The following CAST variants were observed in gnomAD, a reference collection of about 807,000 sequenced individuals.
CAST encodes the protein MIR583 host.
In CAST, 76 loss-of-function variants were observed where a neutral mutation model predicts 119.6. That is an observed-to-expected ratio of 0.64 (90% CI 0.53 to 0.77). The LOEUF (loss-of-function observed/expected upper bound fraction) is 0.77. Ranked by LOEUF, CAST falls within the 30% of genes least tolerant of loss-of-function variation. The probability of loss-of-function intolerance (pLI) is 0.00; values close to 1 mark genes in which losing one functional copy is unlikely to be tolerated. For synonymous variants in CAST, 319 were observed against 331.6 expected (o/e 0.96, Z 0.41); for missense variants, 953 against 946.5 (o/e 1.01, Z -0.09).
At chr5:96,380,043 T>C in the CAST span, among the ~76,000 whole-genome samples, 2 of 152,174 alleles carry the variant, frequency 1.3e-5, no homozygotes, top group African/African-American at 2.4e-5. Context: ...TCCCTTAATA[T>C]TGAAAATTCG....
At chr5:96,292,186 A>T in the CAST span, among the ~76,000 whole-genome samples, 1 of 152,192 alleles carries the variant, frequency 6.6e-6, no homozygotes, top group African/African-American at 2.4e-5. Context: ...TCCTAAAATT[A>T]TATGTGAATA....
chr5:96,203,790 A>C, the CAST span, among the ~76,000 whole-genome samples: 1 of 152,104 alleles, frequency 6.6e-6, no homozygotes, highest in Non-Finnish European at 1.5e-5. Flanking sequence ...TATCAGATGA[A>C]CTTGGAAGCA....
At chr5:96,411,087 A>G in the CAST span, 1 of 876,398 alleles carries the variant, frequency 1.1e-6, no homozygotes, top group Non-Finnish European at 2.0e-6. Flanking sequence ...AAATTCTCAG[A>G]GACAGCTATT....
At chr5:96,697,692 C>T (rs570666871) in intron 3 of CAST, among the ~76,000 whole-genome samples, 5 of 152,324 alleles carry the variant, frequency 3.3e-5, no homozygotes, top group African/African-American at 1.2e-4. Context: ...GAGAGAGTTG[C>T]TTACACAAAC....
the CAST span, among the ~76,000 whole-genome samples, chr5:96,255,564 A>C: frequency 9.4e-6 from 1 of 106,838 alleles, no homozygotes; most frequent in African/African-American, 4.9e-5. Context: ...AGTCCAAATA[A>C]CTTTTTTTTT....
chr5:96,193,529 G>T, the CAST span, among the ~76,000 whole-genome samples: 1 of 152,152 alleles, frequency 6.6e-6, no homozygotes, highest in African/African-American at 2.4e-5. Context: ...CATTACAGAA[G>T]ATACTCTCTG....
Position 96,700,737 on chromosome 5 carries a change from C to T in CAST, c.210+4830C>T, listed in dbSNP as rs571204271. On this transcript the variant is annotated intron_variant, in intron 3 of 31. Transcript: ENST00000675179. ...TGATTCGCCGGGGTGGGGGAAGAGCCCAGGATTTCATATATTTAATAGGCA... is the reference window on the plus strand; with the variant it reads ...TGATTCGCCGGGGTGGGGGAAGAGCTCAGGATTTCATATATTTAATAGGCA... Among the ~76,000 whole-genome samples, 100 of 152,064 alleles carry T rather than the reference C, an allele frequency of 6.6e-4. 2 individuals are homozygous for T. The South Asian group carries it at 0.014, about 22-fold the overall frequency.
the CAST span, among the ~76,000 whole-genome samples, chr5:96,121,989 G>A: frequency 6.6e-6 from 1 of 151,978 alleles, no homozygotes; most frequent in Non-Finnish European, 1.5e-5. Context: ...CTGCAATTAA[G>A]CATTCTAATT....
intron 1 of CAST, among the ~76,000 whole-genome samples, chr5:96,623,769 T>G (rs911342837): frequency 6.6e-6 from 1 of 152,178 alleles, no homozygotes; most frequent in African/African-American, 2.4e-5. Flanking sequence ...AATCACAAGC[T>G]CACTGCAGCT....
At chr5:96,423,361 T>A in the CAST span, 1 of 1,613,660 alleles carries the variant, frequency 6.2e-7, no homozygotes, top group Non-Finnish European at 8.5e-7. Flanking sequence ...CATCATCCAG[T>A]ACGGTGATAA....
chr5:96,001,148 T>C, the CAST span, among the ~76,000 whole-genome samples: 1 of 152,342 alleles, frequency 6.6e-6, no homozygotes, highest in South Asian at 2.1e-4. Flanking sequence ...CTGAATGTTC[T>C]CTTTATTCAT....
the CAST span, among the ~76,000 whole-genome samples, chr5:96,279,112 C>G: frequency 6.6e-6 from 1 of 152,272 alleles, no homozygotes; most frequent in Admixed American, 6.5e-5. Flanking sequence ...TATCTGGAAA[C>G]ACTTGGTCTC....
At chr5:96,548,542 T>G (rs575742356) in intron 1 of CAST, among the ~76,000 whole-genome samples, 1 of 152,050 alleles carries the variant, frequency 6.6e-6, no homozygotes, top group African/African-American at 2.4e-5. Context: ...CACCAACCCT[T>G]GTGTTTGGCT....
At chr5:96,168,031 A>G in the CAST span, among the ~76,000 whole-genome samples, 27 of 152,278 alleles carry the variant, frequency 1.8e-4, no homozygotes, top group East Asian at 5.8e-4. Flanking sequence ...TAACTTACAT[A>G]GAAGAAGTTA....
chr5:96,034,512 T>TCACACACACAC, the CAST span, among the ~76,000 whole-genome samples: 136 of 17,478 alleles, frequency 7.8e-3, 2 homozygotes, highest in South Asian at 0.011. Context: ...CACACATATG[T>TCACACACACAC]GTGTGTGTAT....
the CAST span, among the ~76,000 whole-genome samples, chr5:96,436,141 C>T: frequency 6.6e-6 from 1 of 152,202 alleles, no homozygotes; most frequent in South Asian, 2.1e-4. Flanking sequence ...ATTAACTGCA[C>T]ATTAACTCAA....
the CAST span, among the ~76,000 whole-genome samples, chr5:96,334,453 T>G: frequency 6.6e-6 from 1 of 152,158 alleles, no homozygotes; most frequent in Non-Finnish European, 1.5e-5. Flanking sequence ...CTCAGGACCC[T>G]GCACATCTAT....
the CAST span, among the ~76,000 whole-genome samples, chr5:96,204,065 T>C: frequency 4.6e-5 from 7 of 152,158 alleles, no homozygotes; most frequent in South Asian, 1.5e-3. Context: ...ATTGTGTTAT[T>C]GAAAAGGGGA....
the CAST span, among the ~76,000 whole-genome samples, chr5:96,017,379 T>C: frequency 6.6e-6 from 1 of 152,234 alleles, no homozygotes; most frequent in Non-Finnish European, 1.5e-5. Context: ...TGTGTTTCAT[T>C]TCTTAAGTAA....
Sources: allele counts gnomAD v4.1 joint callset (sites outside exome capture counted in the v4.1 genomes callset), GRCh38; gene constraint gnomAD v4.1.1; transcripts MANE v1.5; gene names NCBI Gene and HGNC (gene_info 2026-07-23, HGNC 2026-07-21).